Variants in OGN observed in about 807,000 individuals in gnomAD.
The protein encoded by OGN is mimecan.
In OGN, 19 loss-of-function variants were observed where a neutral mutation model predicts 30.8. The ratio of observed to expected loss-of-function variants is 0.62; its 90% CI spans 0.43 to 0.90. The LOEUF (loss-of-function observed/expected upper bound fraction) is 0.90. Among genes scored for constraint, OGN ranks in the 40% least tolerant of loss-of-function variants. The pLI, the probability that OGN is intolerant of heterozygous loss-of-function variation, is 0.00. For missense variants in OGN, 283 were observed against 349.7 expected, an observed-to-expected ratio of 0.81 and a Z score of 1.52; for synonymous variants, 126 against 128.3, an observed-to-expected ratio of 0.98 and a Z score of 0.12.
intron 3 of OGN, among the ~76,000 whole-genome samples, chr9:92,397,193 A>G (rs2130915509): frequency 6.6e-6 from 1 of 152,090 alleles, no homozygotes. Context: ...CAAACAAACA[A>G]ACAAAAAAAC....
At chr9:92,392,770 A>G (rs1420087508) in intron 4 of OGN, among the ~76,000 whole-genome samples, 3 of 152,204 alleles carry the variant, frequency 2.0e-5, no homozygotes, top group Admixed American at 6.5e-5. Context: ...GAAGCATCCC[A>G]GTTATATTGG....
At chr9:92,385,958 A>G (rs544060096) in intron 6 of OGN, among the ~76,000 whole-genome samples, 168 bp from the exon 7 acceptor site, 1 of 152,300 alleles carries the variant, frequency 6.6e-6, no homozygotes, top group Non-Finnish European at 1.5e-5. Flanking sequence ...GACAAATACA[A>G]TCAAGAGCAG....
At chr9:92,387,267 G>A (rs1842469840) in intron 5 of OGN, among the ~76,000 whole-genome samples, 1 of 151,438 alleles carries the variant, frequency 6.6e-6, no homozygotes, top group South Asian at 2.1e-4. Context: ...AGCTACTAGG[G>A]AGCCTGAGTG....
At chr9:92,396,566 TTA>T (rs1284300315) in intron 3 of OGN, among the ~76,000 whole-genome samples, 9 of 39,398 alleles carry the variant, frequency 2.3e-4, no homozygotes, top group Admixed American at 6.6e-4. Context: ...TTACATACCT[TTA>T]TTTTTTTTTT....
In OGN at chr9:92,401,101, CT is replaced by C; in HGVS notation, c.258del (p.Glu87LysfsTer14). 1 of 1,450,792 alleles carries C rather than the reference CT, an allele frequency of 6.9e-7. No homozygotes were observed. The highest frequency in any genetic ancestry group is 9.7e-7 in the Non-Finnish European group (1 of 1,035,964). 89.9% of individuals were successfully genotyped at this position (1,450,792 alleles called of 1,614,324 possible). Reference sequence around the variant, plus strand: ...TTTAGATGATACTTACCATCATTTTCTTTCTTGGGAGGTAATGGTGTTATTG... The same window carrying C: ...TTTAGATGATACTTACCATCATTTTCTTCTTGGGAGGTAATGGTGTTATTG... ...DEAITPLPPK[K>X]ENDEMPTCLL... On this transcript the variant is annotated frameshift_variant, in exon 3 of 7. Transcript: ENST00000375561. LOFTEE classifies it high-confidence loss of function.
intron 2 of OGN, among the ~76,000 whole-genome samples, chr9:92,402,354 A>T (rs543227850): frequency 1.3e-5 from 2 of 152,200 alleles, no homozygotes; most frequent in Non-Finnish European, 2.9e-5. Flanking sequence ...GAAAGTAGCA[A>T]TTATAACTGG....
At chr9:92,392,948 T>C (rs1842746169) in intron 4 of OGN, 138 bp downstream of exon 4, 2 of 629,952 alleles carry the variant, frequency 3.2e-6, no homozygotes, top group Non-Finnish European at 5.3e-6. Flanking sequence ...AATGGACTTT[T>C]GTGAAACATG....
rs1317043936 is a variant in OGN at position 92,401,117 on chromosome 9, T to C, written c.243A>G (p.Pro81=). The C allele has an allele frequency of 2.6e-6, 4 of 1,521,248 alleles. No individual in the cohort carries two copies. The highest frequency in any genetic ancestry group is 3.6e-6 in the Non-Finnish European group (4 of 1,097,784). 94.2% of individuals were successfully genotyped at this position (1,521,248 alleles called of 1,614,324 possible). A position where few individuals can be genotyped will look rare whatever the true frequency, so the allele number is the denominator to read the frequency against. The change falls in exon 3 of 7, where the codon CCA becomes CCG. Residue 81 remains proline, a synonymous_variant. Transcript: ENST00000375561. ...LQLQKDEAIT[P]LPPKKENDEM... ...CATCATTTTCTTTCTTGGGAGGTAA[T>C]GGTGTTATTGCCTCATCTTTTTGTA...
rs1249992476 is a variant in OGN, at chr9:92,390,002, C to G, written c.482G>C (p.Gly161Ala). ...TAACAGAGAAAGTTTTGAAAAAGTACCATCTTCTATATCTTCTATCAAATT... is the reference window on the plus strand; with the variant it reads ...TAACAGAGAAAGTTTTGAAAAAGTAGCATCTTCTATATCTTCTATCAAATT... ...TGNLIEDIED[G>A]TFSKLSLLEE... The change falls in exon 5 of 7, where the codon GGT (glycine) becomes GCT (alanine). Residue 161 changes from glycine to alanine, a missense_variant. By Grantham distance (60) the Gly-to-Ala change is moderately conservative. Coordinates refer to ENST00000375561, the MANE Select transcript of OGN (RefSeq NM_014057.5). 2 of 1,609,344 alleles carry G rather than the reference C, an allele frequency of 1.2e-6. No homozygotes were observed. The highest frequency in any genetic ancestry group is 1.7e-6 in the Non-Finnish European group (2 of 1,176,254).
At position 92,385,764 on chromosome 9, in the gene OGN, A is replaced by G; in HGVS notation, c.753T>C (p.Asp251=). 2 of 1,614,118 alleles carry G rather than the reference A, an allele frequency of 1.2e-6. No homozygotes were observed. The highest frequency in any genetic ancestry group is 1.7e-6 in the Non-Finnish European group (2 of 1,179,998). ...LQFNNIASIT[D]DTFCKANDTS... is the part of the protein sequence containing the mutation. The stretch of plus-strand genomic sequence containing the variant: ...TGTCATTAGCCTTGCAGAATGTGTC[A>G]TCTGTAATTGAAGCTATGTTGTTGA... The change falls in exon 7 of 7, where the codon GAT becomes GAC. Residue 251 remains aspartate, a synonymous_variant. Transcript: ENST00000375561.
Position 92,385,488 on chromosome 9 carries a change from G to T in OGN, c.*132C>A, listed in dbSNP as rs1842382103. The stretch of plus-strand genomic sequence containing the variant: ...TATATGTAAGATTTTGAACATCCTT[G>T]CTTAAAATATTAAATTCCTTCAAAA... On this transcript the variant is annotated 3_prime_UTR_variant, in exon 7 of 7. Coordinates refer to ENST00000375561, the MANE Select transcript of OGN (RefSeq NM_014057.5). 2.6e-6 allele frequency: 2 copies of T among 766,586 alleles called. No homozygotes were observed. Among genetic ancestry groups the T allele is most frequent in the Non-Finnish European group, 2.1e-6 (1 of 486,856 alleles). The allele number at this position is 766,586 out of a possible 1,614,324, so 47.5% of individuals were successfully genotyped here. A position where few individuals can be genotyped will look rare whatever the true frequency, so the allele number is the denominator to read the frequency against.
intron 3 of OGN, among the ~76,000 whole-genome samples, chr9:92,398,563 T>A (rs1842985691): frequency 6.6e-6 from 1 of 152,068 alleles, no homozygotes; most frequent in Admixed American, 6.6e-5. Flanking sequence ...TTCCACATAG[T>A]GTATCCTGGA....
At chr9:92,385,848 A>G (rs761510551) in intron 6 of OGN, 58 bp from the exon 7 acceptor site, 106 of 1,556,698 alleles carry the variant, frequency 6.8e-5, no homozygotes, top group Non-Finnish European at 8.8e-5. Context: ...TTCATATGCT[A>G]TATAATGGGT....
At chr9:92,397,034 A>G (rs1048233979) in intron 3 of OGN, among the ~76,000 whole-genome samples, 35 of 150,866 alleles carry the variant, frequency 2.3e-4, no homozygotes, top group East Asian at 8.1e-4. Context: ...AAAATTAGCC[A>G]GGTGTGGTGG....
At chr9:92,403,569 C>G (rs1843206640) in intron 1 of OGN, 87 bp from the exon 2 acceptor site, 1 of 1,293,450 alleles carries the variant, frequency 7.7e-7, no homozygotes, top group African/African-American at 1.5e-5. Flanking sequence ...GGCCAGAGAA[C>G]AGTATTTAAC....
chr9:92,396,088 C>G (rs926925208), intron 3 of OGN, among the ~76,000 whole-genome samples: 2 of 152,158 alleles, frequency 1.3e-5, no homozygotes, highest in African/African-American at 4.8e-5. Flanking sequence ...CTACAGTTGT[C>G]TGGTTCTTTC....
At position 92,385,674 on chromosome 9, in the gene OGN, C is replaced by T. The variant is rs1842388862; in HGVS notation, c.843G>A (p.Lys281=). 1 of 1,614,024 alleles carries T rather than the reference C, an allele frequency of 6.2e-7. No individual in the cohort carries two copies. Among genetic ancestry groups the T allele is most frequent in the African/African-American group, 1.3e-5 (1 of 74,926 alleles). ...RLEGNPIVLG[K]HPNSFICLKR... is the part of the protein sequence containing the mutation. The stretch of plus-strand genomic sequence containing the variant: ...TTAAGCAAATAAAACTGTTTGGATG[C>T]TTTCCCAGGACGATTGGATTGCCCT... Residue 281 remains lysine (K), a synonymous_variant, in exon 7 of 7, where the codon AAG becomes AAA. Coordinates refer to ENST00000375561, the MANE Select transcript of OGN (RefSeq NM_014057.5).
chr9:92,404,686 G>C (rs1843256459), upstream of OGN: 2 of 1,243,448 alleles, frequency 1.6e-6, no homozygotes, highest in Non-Finnish European at 2.1e-6. Context: ...TCTTTCTCTA[G>C]GGTGAAATGC....
At chr9:92,394,673 C>T (rs1457945907) in intron 3 of OGN, among the ~76,000 whole-genome samples, 4 of 150,306 alleles carry the variant, frequency 2.7e-5, no homozygotes, top group African/African-American at 7.4e-5. Context: ...GGTGTGATCT[C>T]GGCTCACTGC....
Sources: allele counts gnomAD v4.1 joint callset (sites outside exome capture counted in the v4.1 genomes callset), GRCh38; gene constraint gnomAD v4.1.1; transcripts MANE v1.5; gene names NCBI Gene and HGNC (gene_info 2026-07-23, HGNC 2026-07-21).